Variants in PUM2 observed in about 807,000 individuals in gnomAD.
The protein encoded by PUM2 is pumilio RNA binding family member 2, also known as pumilio homolog 2.
PUM2 carries 57 observed loss-of-function variants against 124.5 expected under a neutral mutation model. The observed-to-expected ratio is 0.46, with a 90% CI of 0.37 to 0.57. The LOEUF is 0.57. Ranked by LOEUF, PUM2 falls within the 20% of genes least tolerant of loss-of-function variation. The probability of loss-of-function intolerance (pLI) is 0.00; values close to 1 mark genes in which losing one functional copy is unlikely to be tolerated. For missense variants in PUM2, 1,065 were observed against 1,290.6 expected, an observed-to-expected ratio of 0.83 and a Z score of 2.68; for synonymous variants, 460 against 446.1, an observed-to-expected ratio of 1.03 and a Z score of -0.39.
chr2:20,265,556 G>A (rs1175726409), intron 13 of PUM2, among the ~76,000 whole-genome samples: 1 of 152,150 alleles, frequency 6.6e-6, no homozygotes, highest in Non-Finnish European at 1.5e-5. Context: ...TGCCCTTTTA[G>A]AAGGGCAGGG....
intron 7 of PUM2, among the ~76,000 whole-genome samples, chr2:20,298,360 G>A (rs1572789969): frequency 6.6e-6 from 1 of 152,074 alleles, no homozygotes; most frequent in South Asian, 2.1e-4. Flanking sequence ...CAGTCAATAC[G>A]GAAACAAGAA....
chr2:20,270,846 G>C (rs1465482663), intron 13 of PUM2, among the ~76,000 whole-genome samples: 1 of 151,792 alleles, frequency 6.6e-6, no homozygotes, highest in East Asian at 1.9e-4. Flanking sequence ...AAAAGGCCTG[G>C]GCTTTCTTGT....
intron 17 of PUM2, among the ~76,000 whole-genome samples, 161 bp downstream of exon 17, chr2:20,255,868 TACTG>T (rs66826909): frequency 0.035 from 5,289 of 152,316 alleles, 89 homozygotes; most frequent in Middle Eastern, 0.065. Flanking sequence ...TGAAGCTATC[TACTG>T]ACTATGAAAG....
chr2:20,310,156 G>A (rs752370593), intron 5 of PUM2, among the ~76,000 whole-genome samples: 2 of 151,998 alleles, frequency 1.3e-5, no homozygotes, highest in Non-Finnish European at 2.9e-5. Context: ...CATAGTGACC[G>A]TATGACCACA....
intron 1 of PUM2, among the ~76,000 whole-genome samples, chr2:20,341,904 T>C (rs1388477370): frequency 6.6e-6 from 1 of 152,060 alleles, no homozygotes; most frequent in African/African-American, 2.4e-5. Flanking sequence ...CTGAGACAGG[T>C]GGATCACTTG....
In PUM2 at chr2:20,327,439, A is replaced by G. The variant is rs193009388; in HGVS notation, c.-18-61T>C. 1.7e-4 allele frequency: 182 copies of G among 1,042,084 alleles called. No homozygotes were observed. In the East Asian group the frequency reaches 4.2e-3, roughly 24 times the overall value. 64.6% of individuals were successfully genotyped at this position (1,042,084 alleles called of 1,614,324 possible). A position where few individuals can be genotyped will look rare whatever the true frequency, so the allele number is the denominator to read the frequency against. On this transcript the variant is annotated intron_variant, in intron 1 of 20. Transcript: ENST00000361078. ...AATGTTTAAACAGACTTCTTCAACT[A>G]TTTTTATATTATATTGCTGCTATGA... is the stretch of plus-strand genomic sequence containing the variant.
chr2:20,287,039 G>GAAAAACAA (rs1672910398), intron 10 of PUM2, among the ~76,000 whole-genome samples: 1 of 152,014 alleles, frequency 6.6e-6, no homozygotes, highest in African/African-American at 2.4e-5. Flanking sequence ...ATGGGGAATT[G>GAAAAACAA]AAAAACAAAA....
intron 1 of PUM2, among the ~76,000 whole-genome samples, chr2:20,335,468 C>T (rs1479724746): frequency 6.6e-6 from 1 of 152,200 alleles, no homozygotes; most frequent in Non-Finnish European, 1.5e-5. Flanking sequence ...AAAGTTTCTA[C>T]TATTCAAACC....
At chr2:20,345,787 G>A (rs1015865749) in intron 1 of PUM2, among the ~76,000 whole-genome samples, 10 of 152,132 alleles carry the variant, frequency 6.6e-5, no homozygotes, top group African/African-American at 9.7e-5. Context: ...CAGGAGAATC[G>A]GTTGAACCTG....
intron 13 of PUM2, among the ~76,000 whole-genome samples, chr2:20,264,163 C>G (rs1332384394): frequency 6.7e-6 from 1 of 149,832 alleles, no homozygotes; most frequent in Non-Finnish European, 1.5e-5. Flanking sequence ...GTGGTGAAAC[C>G]CTGTCTCTAC....
intron 15 of PUM2, 61 bp from the exon 16 acceptor site, chr2:20,258,432 G>A: frequency 2.0e-6 from 3 of 1,533,944 alleles, no homozygotes; most frequent in Non-Finnish European, 2.7e-6. Context: ...TTGAACTTGA[G>A]TAAGGCAGTG....
chr2:20,342,555 G>T (rs550328425), intron 1 of PUM2, among the ~76,000 whole-genome samples: 1 of 152,208 alleles, frequency 6.6e-6, no homozygotes, highest in Non-Finnish European at 1.5e-5. Context: ...AAAGAAAAAT[G>T]AATGTGAGGT....
intron 10 of PUM2, 25 bp from the exon 11 acceptor site, chr2:20,283,511 T>C: frequency 6.3e-7 from 1 of 1,576,642 alleles, no homozygotes; most frequent in Non-Finnish European, 8.6e-7. Context: ...GGTTTACTAA[T>C]GAAAGCACTT....
intron 2 of PUM2, chr2:20,326,259 A>G: frequency 7.7e-7 from 1 of 1,303,100 alleles, no homozygotes; most frequent in Non-Finnish European, 1.0e-6. Context: ...ACCTTAACTC[A>G]CCCTTAAATC....
Position 20,254,053 on chromosome 2 carries a change from T to C in PUM2, c.2871-39A>G, listed in dbSNP as rs536470360. ...CAGATAAACAAAGATTTGTTATTTT[T>C]TTCTTCACAGCAAAATTTCCTTGAC... is the stretch of plus-strand genomic sequence containing the variant. On this transcript the variant is annotated intron_variant, in intron 19 of 20. Transcript: ENST00000361078. The C allele has an allele frequency of 1.9e-6, 3 of 1,550,556 alleles. No homozygotes were observed. In the East Asian group the frequency reaches 6.8e-5, roughly 35 times the overall value.
At chr2:20,335,746 T>C (rs1164989255) in intron 1 of PUM2, among the ~76,000 whole-genome samples, 1 of 152,236 alleles carries the variant, frequency 6.6e-6, no homozygotes, top group African/African-American at 2.4e-5. Context: ...GCATAAAAAT[T>C]AGTGTTGTCA....
chr2:20,251,796 T>TA, intron 20 of PUM2, 80 bp from the exon 21 acceptor site: 2 of 1,512,630 alleles, frequency 1.3e-6, no homozygotes, highest in Non-Finnish European at 1.8e-6. Context: ...CAATTCTGGG[T>TA]AATTTAGAGG....
intron 1 of PUM2, among the ~76,000 whole-genome samples, chr2:20,340,646 T>C (rs1328500782): frequency 6.6e-6 from 1 of 152,226 alleles, no homozygotes; most frequent in Non-Finnish European, 1.5e-5. Flanking sequence ...GGATTTTTAT[T>C]AGTATTTTTT....
chr2:20,345,072 G>A (rs1339783822), intron 1 of PUM2, among the ~76,000 whole-genome samples: 2 of 147,178 alleles, frequency 1.4e-5, no homozygotes, highest in East Asian at 2.0e-4. Flanking sequence ...ACCTACATGT[G>A]TCCACAGCAC....
Sources: gnomAD v4.1 joint callset for allele counts (sites outside exome capture counted in the v4.1 genomes callset) on GRCh38, gnomAD v4.1.1 for gene constraint, MANE v1.5 for transcripts, NCBI Gene and HGNC (gene_info 2026-07-23, HGNC 2026-07-21) for gene names.